LRRTM4: variants seen among roughly 807,000 people sequenced by gnomAD.
LRRTM4 encodes leucine-rich repeat transmembrane neuronal protein 4.
LRRTM4 carries 25 observed loss-of-function variants against 47.6 expected under a neutral mutation model. The observed-to-expected ratio is 0.53, with a 90% CI of 0.38 to 0.73. The LOEUF (loss-of-function observed/expected upper bound fraction) is 0.73. Ranked by LOEUF, LRRTM4 falls within the 30% of genes least tolerant of loss-of-function variation. LRRTM4 has a pLI of 0.00. For synonymous variants in LRRTM4, 311 were observed against 269.5 expected, an observed-to-expected ratio of 1.15 and a Z score of -1.51; for missense variants, 638 against 713.4, an observed-to-expected ratio of 0.89 and a Z score of 1.20.
intron 3 of LRRTM4, among the ~76,000 whole-genome samples, chr2:77,163,768 T>C (rs796208091): frequency 1.4e-4 from 21 of 152,294 alleles, no homozygotes; most frequent in African/African-American, 4.8e-4. Flanking sequence ...CTGAGAGATT[T>C]TGTCACCACC....
chr2:77,318,477 C>T (rs1044208359), intron 3 of LRRTM4, among the ~76,000 whole-genome samples: 1 of 152,146 alleles, frequency 6.6e-6, no homozygotes, highest in Non-Finnish European at 1.5e-5. Flanking sequence ...CCAAAACTTT[C>T]ATAGAACTGC....
intron 3 of LRRTM4, among the ~76,000 whole-genome samples, chr2:77,231,471 A>G (rs1674963945): frequency 6.6e-6 from 1 of 152,142 alleles, no homozygotes; most frequent in Middle Eastern, 3.2e-3. Flanking sequence ...TGGGCTAAAA[A>G]TAGTTTTTAC....
intron 3 of LRRTM4, among the ~76,000 whole-genome samples, chr2:77,026,233 G>A (rs1050106852): frequency 4.2e-4 from 64 of 152,160 alleles, no homozygotes; most frequent in African/African-American, 1.5e-3. Flanking sequence ...TGTTGCAGGG[G>A]CCATTTGAAG....
At chr2:76,967,512 T>C (rs1019277537) in intron 3 of LRRTM4, among the ~76,000 whole-genome samples, 1 of 151,526 alleles carries the variant, frequency 6.6e-6, no homozygotes, top group South Asian at 2.1e-4. Flanking sequence ...ATTGTTGAAA[T>C]GTGGGTTTGG....
At chr2:77,430,235 T>G (rs931442915) in intron 3 of LRRTM4, among the ~76,000 whole-genome samples, 35 of 152,216 alleles carry the variant, frequency 2.3e-4, no homozygotes, top group African/African-American at 7.5e-4. Flanking sequence ...TATACATACT[T>G]TAAAACATCA....
intron 3 of LRRTM4, among the ~76,000 whole-genome samples, chr2:77,159,523 G>GA (rs374578663): frequency 0.01 from 1,140 of 110,622 alleles, 10 homozygotes; most frequent in African/African-American, 0.025. Context: ...AAGTATAATG[G>GA]AAAAAAAAAA....
intron 3 of LRRTM4, among the ~76,000 whole-genome samples, chr2:77,507,298 C>G: frequency 6.6e-6 from 1 of 152,120 alleles, no homozygotes; most frequent in Admixed American, 6.6e-5. Context: ...ATTATGTAAT[C>G]TGTTTCAATA....
intron 3 of LRRTM4, among the ~76,000 whole-genome samples, chr2:77,137,544 G>T (rs946731208): frequency 1.3e-5 from 2 of 151,908 alleles, no homozygotes; most frequent in Non-Finnish European, 2.9e-5. Context: ...AGACCATCAA[G>T]GCTAGGAAGA....
At chr2:77,025,774 A>T (rs1266036552) in intron 3 of LRRTM4, among the ~76,000 whole-genome samples, 3 of 152,108 alleles carry the variant, frequency 2.0e-5, no homozygotes, top group Non-Finnish European at 2.9e-5. Context: ...ACTCCACCCT[A>T]CTGACTACAC....
At chr2:77,404,739 A>C (rs989688386) in intron 3 of LRRTM4, among the ~76,000 whole-genome samples, 2 of 152,094 alleles carry the variant, frequency 1.3e-5, no homozygotes, top group Admixed American at 6.6e-5. Flanking sequence ...CTATGAAAAA[A>C]AGTGTTAAGC....
intron 3 of LRRTM4, among the ~76,000 whole-genome samples, chr2:77,195,866 G>T (rs191684668): frequency 1.3e-5 from 2 of 152,200 alleles, no homozygotes; most frequent in East Asian, 3.9e-4. Flanking sequence ...TCAAACAAGG[G>T]TGTGTGGTCA....
intron 3 of LRRTM4, among the ~76,000 whole-genome samples, chr2:76,866,308 T>C (rs903806001): frequency 6.6e-6 from 1 of 152,226 alleles, no homozygotes; most frequent in African/African-American, 2.4e-5. Flanking sequence ...TTTGAAGCCT[T>C]GAAGAGCTCG....
At chr2:77,350,293 T>C (rs1408814454) in intron 3 of LRRTM4, among the ~76,000 whole-genome samples, 2 of 113,206 alleles carry the variant, frequency 1.8e-5, no homozygotes, top group Non-Finnish European at 3.3e-5. Context: ...GCCACTGCAG[T>C]CCGCAGTCCG....
intron 3 of LRRTM4, among the ~76,000 whole-genome samples, chr2:76,896,804 T>C (rs1281297326): frequency 2.0e-5 from 3 of 149,262 alleles, no homozygotes; most frequent in Non-Finnish European, 3.0e-5. Flanking sequence ...ATGAGATGTA[T>C]ATGATGTTTC....
chr2:77,355,286 C>A (rs977108154), intron 3 of LRRTM4, among the ~76,000 whole-genome samples: 8 of 152,044 alleles, frequency 5.3e-5, no homozygotes, highest in Non-Finnish European at 1.2e-4. Context: ...AAATTAAGTA[C>A]AAATAATATA....
At chr2:77,098,094 CT>C (rs1670859729) in intron 3 of LRRTM4, among the ~76,000 whole-genome samples, 1 of 151,794 alleles carries the variant, frequency 6.6e-6, no homozygotes, top group Non-Finnish European at 1.5e-5. Context: ...AAAAATGAAA[CT>C]TATTATTCAC....
Position 77,444,229 on chromosome 2 carries a change from C to A in LRRTM4, c.1551+74089G>T, listed in dbSNP as rs548583058. ...ATACCTAGGTGGTCATGGATAGATA[C>A]CGAATATATTGGCCACGTATGACAG... On this transcript the variant is annotated intron_variant, in intron 3 of 3. Coordinates refer to ENST00000409884, the MANE Select transcript of LRRTM4 (RefSeq NM_001134745.3). Among the ~76,000 whole-genome samples, 17 of 152,180 alleles carry A rather than the reference C, an allele frequency of 1.1e-4. No homozygotes were observed. In the East Asian group the frequency reaches 3.3e-3, roughly 29 times the overall value.
At chr2:77,296,904 A>C (rs1232041383) in intron 3 of LRRTM4, among the ~76,000 whole-genome samples, 2 of 152,214 alleles carry the variant, frequency 1.3e-5, no homozygotes, top group African/African-American at 2.4e-5. Flanking sequence ...TGACATAGTT[A>C]AGATGCTAAG....
intron 3 of LRRTM4, among the ~76,000 whole-genome samples, chr2:77,471,193 T>C (rs1362172604): frequency 6.6e-6 from 1 of 152,138 alleles, no homozygotes; most frequent in Admixed American, 6.6e-5. Context: ...CCCCTCTTCA[T>C]TGAAAGCAAT....
Sources: allele counts gnomAD v4.1 joint callset (sites outside exome capture counted in the v4.1 genomes callset), GRCh38; gene constraint gnomAD v4.1.1; transcripts MANE v1.5; gene names NCBI Gene and HGNC (gene_info 2026-07-23, HGNC 2026-07-21).